TSPAN11: variants seen among roughly 807,000 people sequenced by gnomAD.
TSPAN11 encodes tetraspanin-11.
TSPAN11 carries 29 observed loss-of-function variants against 32.9 expected under a neutral mutation model. The observed-to-expected ratio is 0.88, with a 90% CI of 0.66 to 1.20. The LOEUF is 1.20. Ranked by LOEUF, TSPAN11 falls within the 50% of genes most tolerant of loss-of-function variation. The pLI is 0.00. For synonymous variants in TSPAN11, 140 were observed against 141.3 expected (o/e 0.99, Z 0.07); for missense variants, 283 against 329.1 (o/e 0.86, Z 1.08).
chr12:30,982,543 T>C lies in TSPAN11; in HGVS notation c.468T>C (p.Cys156=), dbSNP rs35089. 0.96 allele frequency: 1,539,317 copies of C among 1,607,674 alleles called. 737,205 individuals carry two copies. The highest frequency in any genetic ancestry group is 0.97 in the East Asian group (43,298 of 44,704). ...GCCTCTGCCTCCAGTTCAAGTGCTG[T>C]GGAAGCAACAGCTCAGCCGACTGGC... The part of the protein sequence containing the change: ...VDRLQQDFKC[C]GSNSSADWQH... Residue 156 remains cysteine (C), a synonymous_variant, in exon 6 of 8, where the codon TGT becomes TGC. Transcript: ENST00000546076.
chr12:30,929,930 T>C (rs1250213141), intron 1 of TSPAN11, among the ~76,000 whole-genome samples: 2 of 152,170 alleles, frequency 1.3e-5, no homozygotes, highest in Admixed American at 1.3e-4. Context: ...TACCACCCTT[T>C]TCTAAGCCCC....
the TSPAN11 span, among the ~76,000 whole-genome samples, chr12:31,001,912 C>T: frequency 2.0e-5 from 3 of 152,036 alleles, no homozygotes; most frequent in East Asian, 3.9e-4. Flanking sequence ...AGAGAGAGGC[C>T]GATGTTTTCC....
intron 2 of TSPAN11, 119 bp from the exon 3 acceptor site, chr12:30,963,707 C>G: frequency 8.9e-7 from 1 of 1,127,208 alleles, no homozygotes; most frequent in Non-Finnish European, 1.2e-6. Context: ...ATTCTCGCCT[C>G]CTTTGGAGGA....
At chr12:30,997,981 C>T (rs992662778), downstream of TSPAN11, among the ~76,000 whole-genome samples, 9 of 152,216 alleles carry the variant, frequency 5.9e-5, no homozygotes, top group East Asian at 3.9e-4. Context: ...GTCATAGCAG[C>T]GGCCTTCTGA....
At chr12:30,948,415 G>T (rs1938313287) in intron 1 of TSPAN11, among the ~76,000 whole-genome samples, 1 of 152,214 alleles carries the variant, frequency 6.6e-6, no homozygotes, top group African/African-American at 2.4e-5. Flanking sequence ...ACTTTTGCCT[G>T]GGCATCCAGG....
chr12:30,962,378 G>C (rs1353330546), intron 2 of TSPAN11, among the ~76,000 whole-genome samples: 1 of 152,192 alleles, frequency 6.6e-6, no homozygotes, highest in East Asian at 1.9e-4. Flanking sequence ...CAGGAGACAT[G>C]GGGTTGAATC....
Position 30,983,089 on chromosome 12 carries a change from A to G in TSPAN11, c.641A>G (p.Gln214Arg). The G allele has an allele frequency of 6.2e-7, 1 of 1,613,258 alleles. No homozygotes were observed. The highest frequency in any genetic ancestry group is 8.5e-7 in the Non-Finnish European group (1 of 1,179,992). ...GGAGGCTGCCTCACCAAGCTGGAGC[A>G]GTTCCTGGCCGACCACCTGCTGCTT... ...VEGGCLTKLE[Q>R]FLADHLLLMG... Residue 214 changes from glutamine to arginine, a missense_variant, in exon 7 of 8, where the codon CAG (glutamine) becomes CGG (arginine). Coordinates refer to ENST00000546076, the MANE Select transcript of TSPAN11 (RefSeq NM_001370302.1).
chr12:30,963,686 G>A (rs1938660599), intron 2 of TSPAN11, 140 bp from the exon 3 acceptor site: 2 of 909,354 alleles, frequency 2.2e-6, no homozygotes, highest in Non-Finnish European at 1.6e-6. Context: ...GTAAAATTGG[G>A]TAACCATACC....
At chr12:30,956,639 A>G (rs879922255) in intron 2 of TSPAN11, among the ~76,000 whole-genome samples, 21 of 152,150 alleles carry the variant, frequency 1.4e-4, no homozygotes, top group South Asian at 6.2e-4. Context: ...TGACACTTTC[A>G]TGCCTCCTTT....
At chr12:30,935,108 T>A (rs1259081768) in intron 1 of TSPAN11, among the ~76,000 whole-genome samples, 1 of 152,090 alleles carries the variant, frequency 6.6e-6, no homozygotes, top group African/African-American at 2.4e-5. Context: ...CCAGCCAAAT[T>A]CCCCTTGTGC....
intron 3 of TSPAN11, among the ~76,000 whole-genome samples, chr12:30,967,843 C>T (rs894637680): frequency 9.1e-5 from 12 of 132,520 alleles, no homozygotes; most frequent in African/African-American, 3.5e-4. Flanking sequence ...TGTGAAAGAA[C>T]CAATGACAAC....
chr12:30,934,733 C>G (rs1034044918), intron 1 of TSPAN11, among the ~76,000 whole-genome samples: 2 of 151,646 alleles, frequency 1.3e-5, no homozygotes, highest in African/African-American at 4.9e-5. Flanking sequence ...TCCAATGAGG[C>G]CCAGGGAAGC....
chr12:30,943,085 T>C (rs376588747), intron 1 of TSPAN11, among the ~76,000 whole-genome samples: 1 of 152,186 alleles, frequency 6.6e-6, no homozygotes, highest in African/African-American at 2.4e-5. Context: ...GCAGTTGGTT[T>C]CTTTGCAGTG....
At chr12:30,997,711 G>A (rs1477844737), downstream of TSPAN11, among the ~76,000 whole-genome samples, 1 of 152,138 alleles carries the variant, frequency 6.6e-6, no homozygotes, top group Non-Finnish European at 1.5e-5. Flanking sequence ...ACCATATCAG[G>A]CAGTGAGGAG....
chr12:30,981,974 C>T (rs535154911), intron 5 of TSPAN11, among the ~76,000 whole-genome samples: 10 of 152,310 alleles, frequency 6.6e-5, no homozygotes, highest in Admixed American at 1.3e-4. Context: ...GCTTCCCTGC[C>T]CTGGGGTGGT....
chr12:30,984,777 C>T (rs769674402), intron 7 of TSPAN11, among the ~76,000 whole-genome samples: 21 of 152,034 alleles, frequency 1.4e-4, no homozygotes, highest in Non-Finnish European at 1.9e-4. Context: ...AGGCTGGTCT[C>T]GAACTCTTGA....
At chr12:30,948,875 C>G (rs1938322315) in intron 1 of TSPAN11, among the ~76,000 whole-genome samples, 1 of 152,186 alleles carries the variant, frequency 6.6e-6, no homozygotes, top group African/African-American at 2.4e-5. Context: ...AACTCTCATG[C>G]TCTGCTTCCC....
intron 2 of TSPAN11, among the ~76,000 whole-genome samples, chr12:30,962,272 G>T (rs186172166): frequency 6.7e-6 from 1 of 150,214 alleles, no homozygotes; most frequent in East Asian, 1.9e-4. Flanking sequence ...AGATTAAATG[G>T]CACTTTGAAG....
chr12:30,941,817 G>A (rs1938170690), intron 1 of TSPAN11, among the ~76,000 whole-genome samples: 1 of 152,270 alleles, frequency 6.6e-6, no homozygotes, highest in Non-Finnish European at 1.5e-5. Context: ...ACCCCACCAA[G>A]GGTTCTCCTT....
Sources: gnomAD v4.1 joint callset for allele counts (sites outside exome capture counted in the v4.1 genomes callset) on GRCh38, gnomAD v4.1.1 for gene constraint, MANE v1.5 for transcripts, NCBI Gene and HGNC (gene_info 2026-07-23, HGNC 2026-07-21) for gene names.